Variants in SCAF8 observed in about 807,000 individuals in gnomAD.
The protein encoded by SCAF8 is SR-related CTD associated factor 8.
Under a neutral mutation model 140.5 loss-of-function variants are expected in SCAF8, and 23 were observed. The observed-to-expected ratio is 0.16, with a 90% CI of 0.12 to 0.23. SCAF8 has a LOEUF of 0.23. Ranked by LOEUF, SCAF8 falls within the 10% of genes least tolerant of loss-of-function variation. SCAF8 has a pLI of 1.00. For synonymous variants in SCAF8, 575 were observed against 528.9 expected, an observed-to-expected ratio of 1.09 and a Z score of -1.20; for missense variants, 1,397 against 1,555.7, an observed-to-expected ratio of 0.90 and a Z score of 1.72.
intron 1 of SCAF8, among the ~76,000 whole-genome samples, chr6:154,749,554 G>C (rs1778789400): frequency 6.6e-6 from 1 of 152,158 alleles, no homozygotes; most frequent in Non-Finnish European, 1.5e-5. Flanking sequence ...ATGATATGAA[G>C]AGTAGTGATG....
chr6:154,752,811 T>A (rs1223984819), intron 1 of SCAF8, among the ~76,000 whole-genome samples: 6 of 152,190 alleles, frequency 3.9e-5, no homozygotes, highest in Non-Finnish European at 8.8e-5. Context: ...ATTCTCCGCC[T>A]CCTAGGTTCA....
intron 1 of SCAF8, among the ~76,000 whole-genome samples, chr6:154,760,732 A>G (rs1352592796): frequency 6.6e-6 from 1 of 151,956 alleles, no homozygotes; most frequent in African/African-American, 2.4e-5. Flanking sequence ...GTATTTTCCA[A>G]TTTTTTCATA....
chr6:154,805,010 A>T (rs968012438), intron 8 of SCAF8, among the ~76,000 whole-genome samples: 7 of 152,168 alleles, frequency 4.6e-5, no homozygotes, highest in Non-Finnish European at 7.4e-5. Flanking sequence ...TAAGAGAAGG[A>T]GTTAAAGTAA....
intron 2 of SCAF8, 41 bp downstream of exon 2, chr6:154,774,113 A>G: frequency 7.7e-7 from 1 of 1,290,878 alleles, no homozygotes. Flanking sequence ...AAAAGAAAAA[A>G]CTATATTAAT....
intron 15 of SCAF8, among the ~76,000 whole-genome samples, chr6:154,821,884 GTT>G (rs1476418000): frequency 1.3e-5 from 2 of 152,116 alleles, no homozygotes; most frequent in Non-Finnish European, 2.9e-5. Flanking sequence ...GCATAGCTGT[GTT>G]TTCAGAAGGA....
intron 2 of SCAF8, among the ~76,000 whole-genome samples, chr6:154,777,362 A>T (rs1238449509): frequency 6.6e-6 from 1 of 152,074 alleles, no homozygotes; most frequent in African/African-American, 2.4e-5. Context: ...TATGAAACTT[A>T]AATCTTCTAA....
chr6:154,745,408 C>G (rs1778674178), intron 1 of SCAF8, among the ~76,000 whole-genome samples: 1 of 142,590 alleles, frequency 7.0e-6, no homozygotes, highest in African/African-American at 2.7e-5. Flanking sequence ...GGATCTTGCT[C>G]TGTTGCCCAG....
chr6:154,831,366 A>C (rs1205514909), intron 19 of SCAF8, among the ~76,000 whole-genome samples: 4 of 151,568 alleles, frequency 2.6e-5, no homozygotes, highest in Non-Finnish European at 5.9e-5. Context: ...TCACACCACC[A>C]CCCCCTTTTT....
intron 1 of SCAF8, among the ~76,000 whole-genome samples, chr6:154,744,870 A>G (rs1452768416): frequency 6.6e-6 from 1 of 152,228 alleles, no homozygotes; most frequent in Non-Finnish European, 1.5e-5. Context: ...GTCTCTTCAC[A>G]TACAAATGAA....
chr6:154,734,256 C>G (rs368937933), intron 1 of SCAF8, among the ~76,000 whole-genome samples: 1 of 152,184 alleles, frequency 6.6e-6, no homozygotes, highest in African/African-American at 2.4e-5. Flanking sequence ...TCAGTTCCGC[C>G]GAGGCCTGGC....
intron 3 of SCAF8, among the ~76,000 whole-genome samples, chr6:154,786,984 C>T (rs1234405075): frequency 6.6e-6 from 1 of 152,214 alleles, no homozygotes; most frequent in Non-Finnish European, 1.5e-5. Context: ...TCTAAAGATA[C>T]TGTGCAGTAA....
intron 4 of SCAF8, among the ~76,000 whole-genome samples, chr6:154,789,201 C>T (rs189834713): frequency 1.3e-5 from 2 of 152,120 alleles, no homozygotes; most frequent in East Asian, 1.9e-4. Flanking sequence ...CTCTGCCTCC[C>T]GGGTTCAAGT....
At chr6:154,754,309 T>G (rs989589015) in intron 1 of SCAF8, among the ~76,000 whole-genome samples, 3 of 152,210 alleles carry the variant, frequency 2.0e-5, no homozygotes, top group African/African-American at 7.2e-5. Context: ...TTTTAAAGTC[T>G]TCTTGGTTAT....
At chr6:154,830,541 A>G (rs1172942317) in intron 18 of SCAF8, among the ~76,000 whole-genome samples, 1 of 152,202 alleles carries the variant, frequency 6.6e-6, no homozygotes, top group African/African-American at 2.4e-5. Context: ...TTGTAATTGC[A>G]GGGGGATTGG....
In SCAF8 at chr6:154,833,337, C is replaced by A; in HGVS notation, c.3758C>A (p.Thr1253Lys). 4 of 1,613,894 alleles carry A rather than the reference C, an allele frequency of 2.5e-6. No homozygotes were observed. The highest frequency in any genetic ancestry group is 3.4e-6 in the Non-Finnish European group (4 of 1,179,888). ...GAAATAAACAAGGAGAAGAGTGACACAGTTGCTGATATAGAAAGTGAACCA... is the reference window on the plus strand; with the variant it reads ...GAAATAAACAAGGAGAAGAGTGACAAAGTTGCTGATATAGAAAGTGAACCA... The part of the protein sequence containing the change: ...SNEINKEKSD[T>K]VADIESEPVV... Residue 1253 changes from threonine (T) to lysine (K), a missense_variant, in exon 20 of 20, where the codon ACA (threonine) becomes AAA (lysine). Physicochemically the swap from Thr to Lys is moderately conservative, Grantham distance 78. This residue lies in a region of SCAF8 where 930 missense variants were observed against 874.6 expected (regional missense o/e 1.06). Transcript: ENST00000367178.
chr6:154,784,918 A>G (rs9478583), intron 3 of SCAF8, among the ~76,000 whole-genome samples: 57,964 of 152,004 alleles, frequency 0.38, 12,008 homozygotes, highest in East Asian at 0.89. Flanking sequence ...ACTCATTTCA[A>G]GAAGTAGAAC....
intron 1 of SCAF8, among the ~76,000 whole-genome samples, chr6:154,749,540 C>T (rs1033768362): frequency 3.9e-5 from 6 of 152,034 alleles, no homozygotes; most frequent in African/African-American, 1.2e-4. Context: ...ATATGAGGAG[C>T]ATTATGATAT....
At chr6:154,824,057 A>T (rs1387495421) in intron 16 of SCAF8, among the ~76,000 whole-genome samples, 177 bp from the exon 17 acceptor site, 1 of 151,852 alleles carries the variant, frequency 6.6e-6, no homozygotes, top group African/African-American at 2.4e-5. Context: ...GTTGAATAAC[A>T]TTGCCTTGTT....
intron 1 of SCAF8, among the ~76,000 whole-genome samples, chr6:154,761,534 T>G (rs1307234681): frequency 6.6e-6 from 1 of 152,172 alleles, no homozygotes; most frequent in Non-Finnish European, 1.5e-5. Flanking sequence ...TTTGGAAGTT[T>G]TCAGACTGGT....
Sources: gnomAD v4.1 joint callset for allele counts (sites outside exome capture counted in the v4.1 genomes callset) on GRCh38, gnomAD v4.1.1 for gene constraint, gnomAD v4.1.1 regional missense constraint, MANE v1.5 for transcripts, NCBI Gene and HGNC (gene_info 2026-07-23, HGNC 2026-07-21) for gene names.